KCNQ5: variants seen among roughly 807,000 people sequenced by gnomAD.
The protein encoded by KCNQ5 is potassium voltage-gated channel subfamily Q member 5.
Under a neutral mutation model 98.2 loss-of-function variants are expected in KCNQ5, and 30 were observed. That is an observed-to-expected ratio of 0.31 (90% CI 0.23 to 0.41). The LOEUF is 0.41. KCNQ5 is among the 10% of genes least tolerant of loss of function. The pLI, the probability that KCNQ5 is intolerant of heterozygous loss-of-function variation, is 1.00. For missense variants in KCNQ5, 835 were observed against 1,182.5 expected, an observed-to-expected ratio of 0.71 and a Z score of 4.31; for synonymous variants, 458 against 449.4, an observed-to-expected ratio of 1.02 and a Z score of -0.24.
chr6:73,077,914 T>C, intron 5 of KCNQ5, 27 bp downstream of exon 5: 1 of 1,556,196 alleles, frequency 6.4e-7, no homozygotes, highest in Non-Finnish European at 8.7e-7. Context: ...ATTTTTTATT[T>C]ATTGGATGTT....
At chr6:72,884,964 A>G (rs1318107923) in intron 1 of KCNQ5, among the ~76,000 whole-genome samples, 1 of 152,096 alleles carries the variant, frequency 6.6e-6, no homozygotes, top group African/African-American at 2.4e-5. Flanking sequence ...ACTAATCATA[A>G]TAATTATTAT....
At chr6:72,668,054 G>C (rs183269034) in intron 1 of KCNQ5, among the ~76,000 whole-genome samples, 117 of 152,226 alleles carry the variant, frequency 7.7e-4, no homozygotes, top group African/African-American at 2.7e-3. Context: ...TTTGTAGTTA[G>C]TTAATACTAT....
chr6:73,193,192 T>C (rs144622646), intron 13 of KCNQ5, among the ~76,000 whole-genome samples: 5,324 of 151,836 alleles, frequency 0.035, 135 homozygotes, highest in Middle Eastern at 0.058. Flanking sequence ...GGCGAATTTT[T>C]GTATTTTTAG....
At chr6:73,040,249 C>T (rs1203392017) in intron 2 of KCNQ5, among the ~76,000 whole-genome samples, 2 of 152,136 alleles carry the variant, frequency 1.3e-5, no homozygotes, top group Non-Finnish European at 2.9e-5. Flanking sequence ...TTCGGGGGCT[C>T]AGGCCACATT....
chr6:72,968,728 T>C (rs2150280407), intron 1 of KCNQ5, among the ~76,000 whole-genome samples: 1 of 152,344 alleles, frequency 6.6e-6, no homozygotes, highest in Non-Finnish European at 1.5e-5. Context: ...GTATAGCTCT[T>C]ACTTCCACAA....
chr6:73,082,273 G>A (rs1481670175), intron 5 of KCNQ5, among the ~76,000 whole-genome samples: 1 of 152,188 alleles, frequency 6.6e-6, no homozygotes, highest in Admixed American at 6.5e-5. Context: ...AGAAATGGCA[G>A]CTTCTCACTT....
chr6:72,829,336 A>C (rs1335047862), intron 1 of KCNQ5, among the ~76,000 whole-genome samples: 1 of 152,188 alleles, frequency 6.6e-6, no homozygotes, highest in East Asian at 1.9e-4. Flanking sequence ...GACAGATGAG[A>C]AATATTTTTG....
At chr6:72,871,925 G>C (rs1398053889) in intron 1 of KCNQ5, among the ~76,000 whole-genome samples, 2 of 152,128 alleles carry the variant, frequency 1.3e-5, no homozygotes, top group Admixed American at 6.5e-5. Context: ...GGGAGAAATG[G>C]AGAAAATTTT....
At chr6:72,857,836 T>C (rs1207524907) in intron 1 of KCNQ5, among the ~76,000 whole-genome samples, 1 of 152,026 alleles carries the variant, frequency 6.6e-6, no homozygotes, top group African/African-American at 2.4e-5. Flanking sequence ...TCTCAAAGAG[T>C]TCACAGTTGA....
intron 1 of KCNQ5, among the ~76,000 whole-genome samples, chr6:72,937,017 C>A (rs1765955440): frequency 6.6e-6 from 1 of 152,060 alleles, no homozygotes; most frequent in Admixed American, 6.6e-5. Flanking sequence ...ATATGCGTCT[C>A]CAGAGAGCTG....
At chr6:73,045,988 T>G (rs1379696963) in intron 3 of KCNQ5, among the ~76,000 whole-genome samples, 1 of 152,152 alleles carries the variant, frequency 6.6e-6, no homozygotes, top group East Asian at 1.9e-4. Context: ...AAAAGAGGAA[T>G]AAAATAAAAT....
chr6:72,623,524 T>G (rs2098916621), intron 1 of KCNQ5, among the ~76,000 whole-genome samples: 1 of 152,134 alleles, frequency 6.6e-6, no homozygotes, highest in African/African-American at 2.4e-5. Context: ...TTTCAGTGGC[T>G]TTAAAGTTTA....
At chr6:73,026,429 A>G (rs1010032229) in intron 2 of KCNQ5, among the ~76,000 whole-genome samples, 1 of 152,076 alleles carries the variant, frequency 6.6e-6, no homozygotes, top group Non-Finnish European at 1.5e-5. Context: ...CTTTCATCAG[A>G]TATCTGCTTG....
chr6:72,774,387 C>T (rs1259691995), intron 1 of KCNQ5, among the ~76,000 whole-genome samples: 1 of 151,978 alleles, frequency 6.6e-6, no homozygotes, highest in Non-Finnish European at 1.5e-5. Flanking sequence ...TTTTCCAATC[C>T]CTTTTCTAGA....
chr6:72,725,097 T>A (rs1233615042), intron 1 of KCNQ5, among the ~76,000 whole-genome samples: 1 of 152,162 alleles, frequency 6.6e-6, no homozygotes, highest in Non-Finnish European at 1.5e-5. Context: ...TTACTTAGAA[T>A]TTTTTCTCTG....
intron 3 of KCNQ5, chr6:73,055,881 C>T (rs1772465792): frequency 1.7e-6 from 1 of 605,298 alleles, no homozygotes; most frequent in Non-Finnish European, 3.2e-6. Flanking sequence ...GGCACCCTCC[C>T]TGCCCATTGC....
chr6:72,747,454 C>A (rs1771461183), intron 1 of KCNQ5, among the ~76,000 whole-genome samples: 1 of 152,104 alleles, frequency 6.6e-6, no homozygotes, highest in African/African-American at 2.4e-5. Flanking sequence ...GCCCATGACA[C>A]AAAATCGGAT....
chr6:72,893,779 C>T (rs1162541199), intron 1 of KCNQ5, among the ~76,000 whole-genome samples: 1 of 152,168 alleles, frequency 6.6e-6, no homozygotes. Context: ...AATTAAGCAT[C>T]TACTCTATGC....
intron 2 of KCNQ5, among the ~76,000 whole-genome samples, chr6:73,040,934 T>C (rs964639068): frequency 2.0e-5 from 3 of 152,230 alleles, no homozygotes; most frequent in Admixed American, 2.0e-4. Flanking sequence ...ATTTCTGTGA[T>C]GTTTGGAAGT....
Sources: gnomAD v4.1 joint callset for allele counts (sites outside exome capture counted in the v4.1 genomes callset) on GRCh38, gnomAD v4.1.1 for gene constraint, MANE v1.5 for transcripts, NCBI Gene and HGNC (gene_info 2026-07-23, HGNC 2026-07-21) for gene names.